Variants in RGS6 observed in about 807,000 individuals in gnomAD.
RGS6 encodes the protein regulator of G protein signaling 6.
RGS6 carries 30 observed loss-of-function variants against 78.5 expected under a neutral mutation model. The observed-to-expected ratio is 0.38, with a 90% CI of 0.29 to 0.52. The LOEUF is 0.52. Ranked by LOEUF, RGS6 falls within the 20% of genes least tolerant of loss-of-function variation. The pLI is 0.85. For synonymous variants in RGS6, 206 were observed against 206.0 expected (o/e 1.00, Z 0.00); for missense variants, 495 against 609.7 (o/e 0.81, Z 1.98).
intron 2 of RGS6, among the ~76,000 whole-genome samples, chr14:72,224,642 A>G (rs939061462): frequency 2.4e-4 from 36 of 152,182 alleles, no homozygotes; most frequent in African/African-American, 8.7e-4. Flanking sequence ...CCAATAACTC[A>G]TAAGTTTTTT....
chr14:72,268,055 G>A (rs1487803866), intron 2 of RGS6, among the ~76,000 whole-genome samples: 4 of 152,110 alleles, frequency 2.6e-5, no homozygotes, highest in Non-Finnish European at 4.4e-5. Context: ...TCATGTCCTC[G>A]CAATTATTCT....
chr14:72,274,070 T>C (rs548532629), intron 2 of RGS6, among the ~76,000 whole-genome samples: 1 of 152,290 alleles, frequency 6.6e-6, no homozygotes, highest in South Asian at 2.1e-4. Flanking sequence ...ATGGTGGCTG[T>C]GCCCAGATCA....
At chr14:72,355,435 T>A (rs192438514) in intron 3 of RGS6, among the ~76,000 whole-genome samples, 119 of 152,324 alleles carry the variant, frequency 7.8e-4, no homozygotes, top group African/African-American at 2.8e-3. Flanking sequence ...CCTTAGGTGA[T>A]CCGCCCACCT....
chr14:72,305,362 C>A (rs1052975125), intron 2 of RGS6, among the ~76,000 whole-genome samples: 2 of 152,038 alleles, frequency 1.3e-5, no homozygotes, highest in Non-Finnish European at 2.9e-5. Flanking sequence ...TTTTATTGTG[C>A]GTTCTTTGTT....
rs547614200 is a variant in RGS6, at chr14:72,420,751, A to G, written c.185-33777A>G. 1.8e-4 allele frequency among the ~76,000 whole-genome samples: 27 copies of G among 152,342 alleles called. No individual in the cohort carries two copies. In the South Asian group the frequency reaches 5.6e-3, roughly 32 times the overall value. ...TTATTTGCCTCTGGAAAATGCCGTA[A>G]ACGACATCTAACAGGCTTCAGCTCT... On this transcript the variant is annotated intron_variant, in intron 3 of 17. Transcript: ENST00000553525.
intron 2 of RGS6, among the ~76,000 whole-genome samples, chr14:72,117,475 C>T (rs2095925635): frequency 6.6e-6 from 1 of 152,078 alleles, no homozygotes; most frequent in Non-Finnish European, 1.5e-5. Context: ...TTCCTGAGGC[C>T]TCAACAGAAG....
chr14:71,953,187 G>A (rs1223441286), intron 1 of RGS6, among the ~76,000 whole-genome samples: 1 of 152,130 alleles, frequency 6.6e-6, no homozygotes, highest in Non-Finnish European at 1.5e-5. Context: ...TAACCAGGAG[G>A]GTGGCATTAG....
At chr14:71,888,506 C>T in the RGS6 span, among the ~76,000 whole-genome samples, 1 of 152,044 alleles carries the variant, frequency 6.6e-6, no homozygotes, top group South Asian at 2.1e-4. Context: ...GATTGAGGCT[C>T]ATCCCACAGG....
At chr14:72,223,831 T>C (rs2047463324) in intron 2 of RGS6, among the ~76,000 whole-genome samples, 1 of 152,212 alleles carries the variant, frequency 6.6e-6, no homozygotes, top group African/African-American at 2.4e-5. Context: ...TCTGAGAAGC[T>C]TATTATAAAG....
the RGS6 span, among the ~76,000 whole-genome samples, chr14:72,610,639 C>G: frequency 6.6e-6 from 1 of 152,314 alleles, no homozygotes; most frequent in South Asian, 2.1e-4. Context: ...GACCGTGTGA[C>G]GTAGACAGCA....
chr14:72,398,487 C>G (rs192880156), intron 3 of RGS6, among the ~76,000 whole-genome samples: 7 of 152,150 alleles, frequency 4.6e-5, no homozygotes, highest in Non-Finnish European at 8.8e-5. Flanking sequence ...TTTTGTTGAT[C>G]TTTTCAAAAA....
chr14:72,348,891 G>A (rs1402864935), intron 2 of RGS6, among the ~76,000 whole-genome samples: 2 of 152,220 alleles, frequency 1.3e-5, no homozygotes, highest in Non-Finnish European at 2.9e-5. Flanking sequence ...TTATGGCCGG[G>A]CGTGGTGGCT....
intron 1 of RGS6, among the ~76,000 whole-genome samples, chr14:71,939,765 A>G (rs1942447819): frequency 6.6e-6 from 1 of 152,220 alleles, no homozygotes. Flanking sequence ...TGCACAGGCC[A>G]AATGGGAGAG....
intron 2 of RGS6, among the ~76,000 whole-genome samples, chr14:71,972,753 G>A (rs951094677): frequency 1.3e-5 from 2 of 152,172 alleles, no homozygotes; most frequent in African/African-American, 4.8e-5. Context: ...GCCCAAATCA[G>A]TGGCAGTGGT....
chr14:72,561,929 C>G (rs927587142), intron 17 of RGS6, among the ~76,000 whole-genome samples: 3 of 152,316 alleles, frequency 2.0e-5, no homozygotes, highest in Middle Eastern at 3.4e-3. Flanking sequence ...GCATTCCAAA[C>G]AGGACTCTGC....
chr14:72,334,374 C>T (rs1442345200), intron 2 of RGS6, among the ~76,000 whole-genome samples: 1 of 152,232 alleles, frequency 6.6e-6, no homozygotes, highest in South Asian at 2.1e-4. Context: ...CCTGGGGAAG[C>T]TGGCAGGGCA....
chr14:72,541,883 T>C (rs1465329796), intron 17 of RGS6, among the ~76,000 whole-genome samples: 1 of 152,144 alleles, frequency 6.6e-6, no homozygotes. Context: ...CTCGCGAAGC[T>C]CTGTGAGGAG....
intron 2 of RGS6, among the ~76,000 whole-genome samples, chr14:72,339,322 A>C (rs901337894): frequency 6.6e-6 from 1 of 152,222 alleles, no homozygotes; most frequent in Admixed American, 6.5e-5. Flanking sequence ...AGCCCTCACC[A>C]GACACCAAAT....
At chr14:72,122,205 C>A (rs1335085434) in intron 2 of RGS6, among the ~76,000 whole-genome samples, 1 of 152,110 alleles carries the variant, frequency 6.6e-6, no homozygotes, top group Non-Finnish European at 1.5e-5. Context: ...CTCTAAGCAT[C>A]ATATTCAAGC....
Sources: gnomAD v4.1 joint callset for allele counts (sites outside exome capture counted in the v4.1 genomes callset) on GRCh38, gnomAD v4.1.1 for gene constraint, MANE v1.5 for transcripts, NCBI Gene and HGNC (gene_info 2026-07-23, HGNC 2026-07-21) for gene names.